COL26A1: variants seen among roughly 807,000 people sequenced by gnomAD.
COL26A1 encodes the protein collagen type XXVI alpha 1 chain, also known as collagen alpha-1(XXVI) chain.
Under a neutral mutation model 59.3 loss-of-function variants are expected in COL26A1, and 41 were observed. The ratio of observed to expected loss-of-function variants is 0.69; its 90% CI spans 0.54 to 0.90. COL26A1 has a LOEUF of 0.90. Ranked by LOEUF, COL26A1 falls within the 40% of genes least tolerant of loss-of-function variation. COL26A1 has a pLI of 0.00. For missense variants in COL26A1, 612 were observed against 602.3 expected, an observed-to-expected ratio of 1.02 and a Z score of -0.17; for synonymous variants, 266 against 256.0, an observed-to-expected ratio of 1.04 and a Z score of -0.37.
rs769091196 is a variant in COL26A1, at chr7:101,551,122, G to A, written c.1008G>A (p.Glu336=). The part of the protein sequence containing the change: ...GTPGSQGLAG[E]RGTVGPSGEP... ...GTTTTCTGCAGGGCCTGGCTGGAGA[G>A]CGAGGCACAGTGGGGCCGTCCGTAA... is the stretch of plus-strand genomic sequence containing the variant. The change falls in exon 10 of 13, where the codon GAG becomes GAA. Residue 336 remains glutamate, a synonymous_variant. Transcript: ENST00000313669. 12 of 1,559,470 alleles carry A rather than the reference G, an allele frequency of 7.7e-6. No individual in the cohort carries two copies. In the Admixed American group the frequency reaches 1.7e-4, roughly 22 times the overall value.
chr7:101,553,079 A>G (rs992903218), intron 10 of COL26A1: 1 of 371,308 alleles, frequency 2.7e-6, no homozygotes, highest in African/African-American at 2.1e-5. Context: ...CAGAAGCAGA[A>G]TGAAGCACTT....
At position 101,489,823 on chromosome 7, in the gene COL26A1, T is replaced by C. The variant is rs1486357444; in HGVS notation, c.385+42036T>C. Among the ~76,000 whole-genome samples, 4 of 8,946 alleles carry C rather than the reference T, an allele frequency of 4.5e-4. 1 individual carries two copies. Among genetic ancestry groups the C allele is most frequent in the East Asian group, 4.7e-3 (2 of 426 alleles). 5.9% of individuals were successfully genotyped at this position (8,946 alleles called of 152,430 possible). On this transcript the variant is annotated intron_variant, in intron 3 of 12. Coordinates refer to ENST00000313669, the MANE Select transcript of COL26A1 (RefSeq NM_001278563.3). The stretch of plus-strand genomic sequence containing the variant: ...CTTTCTTTCTTTCTTTCTTTCTTTC[T>C]TTCTTTCTTTCTTTCTTTCTTTCTT...
At chr7:101,416,347 A>G (rs547797959) in intron 1 of COL26A1, among the ~76,000 whole-genome samples, 30 of 143,324 alleles carry the variant, frequency 2.1e-4, no homozygotes, top group African/African-American at 7.1e-4. Context: ...AGCCATGATC[A>G]TGCCACTACA....
chr7:101,509,301 C>G (rs1431254896), intron 3 of COL26A1, among the ~76,000 whole-genome samples: 1 of 151,768 alleles, frequency 6.6e-6, no homozygotes, highest in East Asian at 2.0e-4. Context: ...CAAAAGTTAA[C>G]CAGACGTGGT....
At chr7:101,438,512 T>G (rs1429354300) in intron 2 of COL26A1, among the ~76,000 whole-genome samples, 1 of 151,508 alleles carries the variant, frequency 6.6e-6, no homozygotes, top group Admixed American at 6.6e-5. Flanking sequence ...CTCCACTTTC[T>G]GTTGGTGTGG....
chr7:101,366,024 A>G (rs1584342239), intron 1 of COL26A1, among the ~76,000 whole-genome samples: 1 of 152,180 alleles, frequency 6.6e-6, no homozygotes, highest in Non-Finnish European at 1.5e-5. Flanking sequence ...AACTCTTTCC[A>G]CCAGGATAAG....
chr7:101,451,611 C>T (rs895393110), intron 3 of COL26A1, among the ~76,000 whole-genome samples: 10 of 150,408 alleles, frequency 6.6e-5, no homozygotes, highest in Admixed American at 3.3e-4. Flanking sequence ...TATATAAAAA[C>T]GAACCTGAAA....
chr7:101,383,449 C>T (rs1791493143), intron 1 of COL26A1, among the ~76,000 whole-genome samples: 1 of 152,132 alleles, frequency 6.6e-6, no homozygotes. Flanking sequence ...TCACCGCAAC[C>T]TCCACCTCCT....
intron 1 of COL26A1, among the ~76,000 whole-genome samples, chr7:101,376,049 T>C (rs1402117808): frequency 6.7e-6 from 1 of 148,192 alleles, no homozygotes; most frequent in Non-Finnish European, 1.5e-5. Flanking sequence ...TAGTCCCAGC[T>C]ACTTGGGAGA....
Position 101,489,655 on chromosome 7 carries a change from TTC to T in COL26A1, c.385+41870_385+41871del, listed in dbSNP as rs1491426040. Among the ~76,000 whole-genome samples the T allele has an allele frequency of 6.1e-4, 46 of 75,396 alleles. 2 individuals carry two copies. The highest frequency in any genetic ancestry group is 4.5e-3 in the African/African-American group (39 of 8,722). The allele number at this position is 75,396 out of a possible 152,430, so 49.5% of individuals were successfully genotyped here. A position where few individuals can be genotyped will look rare whatever the true frequency, so the allele number is the denominator to read the frequency against. ...TTTCTTTCTTTCTTTCTTTCTTTCT[TTC>T]TTTCTTCCTTCCTTCCTTCCTTCCT... On this transcript the variant is annotated intron_variant, in intron 3 of 12. Transcript: ENST00000313669.
At chr7:101,486,584 T>G (rs547022362) in intron 3 of COL26A1, among the ~76,000 whole-genome samples, 1 of 152,378 alleles carries the variant, frequency 6.6e-6, no homozygotes, top group East Asian at 1.9e-4. Flanking sequence ...AATTCCTGCC[T>G]GCAAAGGCCA....
At position 101,442,754 on chromosome 7, in the gene COL26A1, A is replaced by G. The variant is rs116141404; in HGVS notation, c.282-4930A>G. On this transcript the variant is annotated intron_variant, in intron 2 of 12. Coordinates refer to ENST00000313669, the MANE Select transcript of COL26A1 (RefSeq NM_001278563.3). ...AGTGTGTGTTTATCCAAGCGTGTGA[A>G]TAGGTGCATGTGTGTGTACATAATT... is the stretch of plus-strand genomic sequence containing the variant. 4.7e-3 allele frequency among the ~76,000 whole-genome samples: 709 copies of G among 152,228 alleles called. 6 individuals carry two copies. Among genetic ancestry groups the G allele is most frequent in the African/African-American group, 0.016 (657 of 41,554 alleles).
Position 101,420,145 on chromosome 7 carries a change from C to T in COL26A1, c.281+46C>T, listed in dbSNP as rs774452869. ...CTGCTCTGCCCTTCCCTCCCATTCC[C>T]TCGGACAAAACCAGTCCCAGGATGG... On this transcript the variant is annotated intron_variant, in intron 2 of 12. Transcript: ENST00000313669. The T allele has an allele frequency of 4.4e-6, 7 of 1,604,176 alleles. No individual in the cohort carries two copies. In the Admixed American group the frequency reaches 1.2e-4, roughly 27 times the overall value.
rs1190079800 is a variant in COL26A1, at chr7:101,558,175, G to A, written c.*645G>A. The A allele has an allele frequency of 2.0e-5, 3 of 152,608 alleles. No homozygotes were observed. In the East Asian group the frequency reaches 5.8e-4, roughly 29 times the overall value. 9.5% of individuals were successfully genotyped at this position (152,608 alleles called of 1,614,324 possible). A position where few individuals can be genotyped will look rare whatever the true frequency, so the allele number is the denominator to read the frequency against. ...GTAGGCAGGGTCCTGCAGGGCCTGG[G>A]GCTTCCCTTCCTCATCCCCCTTCCC... On this transcript the variant is annotated 3_prime_UTR_variant, in exon 13 of 13. Transcript: ENST00000313669.
intron 1 of COL26A1, among the ~76,000 whole-genome samples, chr7:101,384,425 A>G (rs1444168988): frequency 6.6e-6 from 1 of 151,510 alleles, no homozygotes; most frequent in East Asian, 2.0e-4. Context: ...ATGGGGTTTC[A>G]CCATGTTGGA....
At chr7:101,442,632 C>T (rs1793086625) in intron 2 of COL26A1, among the ~76,000 whole-genome samples, 1 of 152,118 alleles carries the variant, frequency 6.6e-6, no homozygotes, top group Non-Finnish European at 1.5e-5. Context: ...GGCGTGACTC[C>T]CCAGGCTCCT....
chr7:101,371,992 A>G (rs1342823689), intron 1 of COL26A1, among the ~76,000 whole-genome samples: 1 of 152,134 alleles, frequency 6.6e-6, no homozygotes, highest in African/African-American at 2.4e-5. Flanking sequence ...TGACTTCAGT[A>G]CTTCATTAAG....
intron 3 of COL26A1, among the ~76,000 whole-genome samples, chr7:101,459,094 A>G (rs1793547084): frequency 6.6e-6 from 1 of 152,162 alleles, no homozygotes; most frequent in African/African-American, 2.4e-5. Context: ...GATTACAGGC[A>G]TGAATCACTG....
intron 2 of COL26A1, among the ~76,000 whole-genome samples, chr7:101,423,003 G>A (rs992343271): frequency 1.3e-5 from 2 of 152,146 alleles, no homozygotes; most frequent in Non-Finnish European, 2.9e-5. Flanking sequence ...GGTGGCTCAC[G>A]CCTGCAATTG....
Sources: allele counts gnomAD v4.1 joint callset (sites outside exome capture counted in the v4.1 genomes callset), GRCh38; gene constraint gnomAD v4.1.1; transcripts MANE v1.5; gene names NCBI Gene and HGNC (gene_info 2026-07-23, HGNC 2026-07-21).